BEND6: variants seen among roughly 807,000 people sequenced by gnomAD.
BEND6 encodes BEN domain-containing protein 6.
Under a neutral mutation model 31.8 loss-of-function variants are expected in BEND6, and 24 were observed. The ratio of observed to expected loss-of-function variants is 0.75; its 90% confidence interval spans 0.55 to 1.06. The LOEUF is 1.06. BEND6 is among the 50% of genes least tolerant of loss of function. BEND6 has a pLI of 0.00. For synonymous variants in BEND6, 109 were observed against 114.6 expected (o/e 0.95, Z 0.31); for missense variants, 294 against 327.4 (o/e 0.90, Z 0.79).
At chr6:57,008,422 G>A (rs1827235861) in intron 3 of BEND6, 2 of 581,790 alleles carry the variant, frequency 3.4e-6, no homozygotes, top group Non-Finnish European at 6.1e-6. Flanking sequence ...TGTCAAGGCA[G>A]TGCTGTGGAA....
In BEND6 at chr6:56,958,208, C is replaced by T. The variant is rs140397079; in HGVS notation, c.-101+2748C>T. Among the ~76,000 whole-genome samples the T allele has an allele frequency of 2.0e-5, 3 of 152,290 alleles. No homozygotes were observed. The East Asian group carries it at 5.8e-4, about 29-fold the overall frequency. ...GGGAATTTTATACATCACTCCTGCC[C>T]ACTAATGGGTAGTAGGCCCTCCTGA... On this transcript the variant is annotated intron_variant, in intron 1 of 6. Coordinates refer to ENST00000370746, the MANE Select transcript of BEND6 (RefSeq NM_152731.3).
At chr6:56,979,720 T>C (rs572447964) in intron 1 of BEND6, among the ~76,000 whole-genome samples, 1 of 152,336 alleles carries the variant, frequency 6.6e-6, no homozygotes, top group Admixed American at 6.5e-5. Context: ...ATTTGTCTTC[T>C]CTCTTGCTAT....
chr6:57,023,150 G>A (rs1398699037), intron 6 of BEND6, among the ~76,000 whole-genome samples: 10 of 152,162 alleles, frequency 6.6e-5, no homozygotes, highest in Admixed American at 2.0e-4. Context: ...GTGATCTATG[G>A]TGTACTTTAA....
intron 3 of BEND6, chr6:57,008,397 T>G: frequency 4.9e-6 from 3 of 606,746 alleles, no homozygotes; most frequent in Non-Finnish European, 8.8e-6. Flanking sequence ...TCCCTAGGTT[T>G]AACTATTTGC....
intron 1 of BEND6, among the ~76,000 whole-genome samples, chr6:56,967,289 G>C (rs1373908608): frequency 6.6e-6 from 1 of 152,162 alleles, no homozygotes; most frequent in East Asian, 1.9e-4. Flanking sequence ...GGGAAACCAT[G>C]AGAGATCATG....
chr6:57,001,746 A>C (rs1474348337), intron 3 of BEND6, among the ~76,000 whole-genome samples: 1 of 152,258 alleles, frequency 6.6e-6, no homozygotes, highest in Non-Finnish European at 1.5e-5. Context: ...AGGGAGTTCT[A>C]AACATGTAAA....
intron 1 of BEND6, among the ~76,000 whole-genome samples, chr6:56,973,188 C>A (rs1342930685): frequency 1.3e-5 from 2 of 152,188 alleles, no homozygotes; most frequent in Non-Finnish European, 2.9e-5. Flanking sequence ...TCCACACATT[C>A]TGAATTATCA....
At chr6:56,990,869 C>T (rs560742977) in intron 2 of BEND6, among the ~76,000 whole-genome samples, 120 of 152,258 alleles carry the variant, frequency 7.9e-4, no homozygotes, top group Non-Finnish European at 1.5e-3. Flanking sequence ...CAAGCTCCAG[C>T]GTTTACTGGA....
At chr6:56,969,340 C>T (rs1253109339) in intron 1 of BEND6, among the ~76,000 whole-genome samples, 1 of 152,162 alleles carries the variant, frequency 6.6e-6, no homozygotes, top group African/African-American at 2.4e-5. Context: ...GCATCTCCTT[C>T]CTCCGTGCCC....
intron 1 of BEND6, among the ~76,000 whole-genome samples, chr6:56,960,661 T>C (rs1440357354): frequency 6.6e-6 from 1 of 152,190 alleles, no homozygotes; most frequent in East Asian, 1.9e-4. Context: ...ATCAATGCAC[T>C]CATAGCCTGA....
rs555530736 is a variant in BEND6 at position 56,995,539 on chromosome 6, G to A, written c.298+2984G>A. On this transcript the variant is annotated intron_variant, in intron 3 of 6. Coordinates refer to ENST00000370746, the MANE Select transcript of BEND6 (RefSeq NM_152731.3). The stretch of plus-strand genomic sequence containing the variant: ...GAGTTTGGAATTACAAAATCAAGGT[G>A]TCAGCAGGGCCATACTCCCCCTGCA... Among the ~76,000 whole-genome samples, 3 of 152,256 alleles carry A rather than the reference G, an allele frequency of 2.0e-5. No individual in the cohort carries two copies. The South Asian group carries it at 6.2e-4, about 32-fold the overall frequency.
chr6:56,973,428 CTATAT>C lies in BEND6; in HGVS notation c.-100-8282_-100-8278del, dbSNP rs1825759642. Among the ~76,000 whole-genome samples the C allele has an allele frequency of 2.0e-5, 3 of 152,236 alleles. No homozygotes were observed. The South Asian group carries it at 6.2e-4, about 32-fold the overall frequency. On this transcript the variant is annotated intron_variant, in intron 1 of 6. Coordinates refer to ENST00000370746, the MANE Select transcript of BEND6 (RefSeq NM_152731.3). ...CTGAAACAGTGGGTTGTACCGAACT[CTATAT>C]ATACTACATTTTTTCTATACATACC... is the stretch of plus-strand genomic sequence containing the variant.
chr6:56,975,415 C>CTTGTCTCT (rs1472732870), intron 1 of BEND6, among the ~76,000 whole-genome samples: 1 of 152,124 alleles, frequency 6.6e-6, no homozygotes, highest in Non-Finnish European at 1.5e-5. Flanking sequence ...CTGTGATAAA[C>CTTGTCTCT]TTGTCTCTTT....
chr6:56,967,038 T>C (rs570314672), intron 1 of BEND6, among the ~76,000 whole-genome samples: 3 of 152,000 alleles, frequency 2.0e-5, no homozygotes, highest in Non-Finnish European at 4.4e-5. Context: ...AAACAAATAG[T>C]GTAGATCAGG....
At chr6:57,017,950 A>G (rs894095586) in intron 5 of BEND6, among the ~76,000 whole-genome samples, 2 of 152,230 alleles carry the variant, frequency 1.3e-5, no homozygotes, top group African/African-American at 4.8e-5. Flanking sequence ...CTGCAATGAA[A>G]TTCTTTCCCT....
At chr6:57,010,437 T>G (rs903866264) in intron 3 of BEND6, 3 of 153,634 alleles carry the variant, frequency 2.0e-5, no homozygotes, top group Admixed American at 6.5e-5. Flanking sequence ...TAAGGTTTTT[T>G]TAAACGATAT....
intron 2 of BEND6, among the ~76,000 whole-genome samples, chr6:56,986,798 C>G (rs1191370087): frequency 6.6e-6 from 1 of 152,072 alleles, no homozygotes; most frequent in African/African-American, 2.4e-5. Context: ...ACTTCCCTGC[C>G]TTGTTTCAGG....
intron 3 of BEND6, among the ~76,000 whole-genome samples, chr6:56,997,828 A>G (rs893439014): frequency 6.6e-6 from 1 of 152,210 alleles, no homozygotes; most frequent in African/African-American, 2.4e-5. Context: ...CTGGGATTAC[A>G]GGCATGAGCT....
intron 2 of BEND6, among the ~76,000 whole-genome samples, chr6:56,988,509 A>T (rs1826371809): frequency 6.6e-6 from 1 of 152,204 alleles, no homozygotes; most frequent in Non-Finnish European, 1.5e-5. Flanking sequence ...TTGAATGTTT[A>T]CTATGTGCAA....
Sources: gnomAD v4.1 joint callset for allele counts (sites outside exome capture counted in the v4.1 genomes callset) on GRCh38, gnomAD v4.1.1 for gene constraint, MANE v1.5 for transcripts, NCBI Gene and HGNC (gene_info 2026-07-23, HGNC 2026-07-21) for gene names.